The following DAAM1 variants were observed in gnomAD, a reference collection of about 807,000 sequenced individuals.
DAAM1 encodes the protein disheveled-associated activator of morphogenesis 1.
Under a neutral mutation model 130.0 loss-of-function variants are expected in DAAM1, and 52 were observed. The observed-to-expected ratio is 0.40, with a 90% CI of 0.32 to 0.50. The LOEUF (loss-of-function observed/expected upper bound fraction) is 0.50, where lower values mean the gene tolerates loss of function less well. Among genes scored for constraint, DAAM1 ranks in the 20% least tolerant of loss-of-function variants. DAAM1 has a pLI of 0.61. For synonymous variants in DAAM1, 452 were observed against 444.5 expected, an observed-to-expected ratio of 1.02 and a Z score of -0.21; for missense variants, 1,134 against 1,303.8, an observed-to-expected ratio of 0.87 and a Z score of 2.01.
intron 1 of DAAM1, among the ~76,000 whole-genome samples, chr14:59,214,121 T>C (rs1010889038): frequency 1.3e-5 from 2 of 152,250 alleles, no homozygotes; most frequent in Admixed American, 6.5e-5. Flanking sequence ...GGATCTTTGC[T>C]TCAGTTTACT....
At chr14:59,247,281 G>A (rs1881432222) in intron 1 of DAAM1, among the ~76,000 whole-genome samples, 1 of 152,074 alleles carries the variant, frequency 6.6e-6, no homozygotes, top group East Asian at 1.9e-4. Context: ...ATGCTGTTTT[G>A]ATTACTGTAC....
intron 2 of DAAM1, among the ~76,000 whole-genome samples, chr14:59,290,318 C>G (rs1301832692): frequency 6.6e-6 from 1 of 152,150 alleles, no homozygotes; most frequent in Non-Finnish European, 1.5e-5. Flanking sequence ...AAACACTGAT[C>G]TGAAAGGCTA....
intron 2 of DAAM1, among the ~76,000 whole-genome samples, chr14:59,278,892 CCAAT>C (rs1883089117): frequency 6.6e-6 from 1 of 152,150 alleles, no homozygotes; most frequent in South Asian, 2.1e-4. Flanking sequence ...ACACTTCTTT[CCAAT>C]CAGTTTCTCT....
intron 1 of DAAM1, among the ~76,000 whole-genome samples, chr14:59,262,601 T>G (rs1882219195): frequency 6.6e-6 from 1 of 152,172 alleles, no homozygotes; most frequent in African/African-American, 2.4e-5. Context: ...TTTTCCCATA[T>G]CTACATATAC....
rs386381493 is a variant in DAAM1, at chr14:59,327,402, C to CTTTTTTTTTTTTTTTTT, written c.1372+419_1372+435dup. On this transcript the variant is annotated intron_variant, in intron 12 of 24. Transcript: ENST00000360909. ...AAGAGAAGAACAGGTCACTTGGTTT[C>CTTTTTTTTTTTTTTTTT]TTTTTTTTTTTTTTTTTTTTTTTTG... Among the ~76,000 whole-genome samples the CTTTTTTTTTTTTTTTTT allele has an allele frequency of 2.6e-3, 152 of 58,984 alleles. 31 individuals are homozygous for CTTTTTTTTTTTTTTTTT. The highest frequency in any genetic ancestry group is 7.3e-3 in the African/African-American group (94 of 12,914). The allele number at this position is 58,984 out of a possible 152,430, so 38.7% of individuals were successfully genotyped here.
chr14:59,216,111 G>A (rs1023922014), intron 1 of DAAM1, among the ~76,000 whole-genome samples: 3 of 152,134 alleles, frequency 2.0e-5, no homozygotes, highest in Non-Finnish European at 2.9e-5. Flanking sequence ...CCCTGTTTGA[G>A]CTGATTTTCT....
chr14:59,267,489 T>TA lies in DAAM1; in HGVS notation c.183+3840dup, dbSNP rs985634410. ...CTTTCTAGTCTCATCCTGCTTAACT[T>TA]AAAAAAAAAAACAAAAAACAAAAAC... is the stretch of plus-strand genomic sequence containing the variant. On this transcript the variant is annotated intron_variant, in intron 2 of 24. Transcript: ENST00000360909. Among the ~76,000 whole-genome samples, 263 of 144,594 alleles carry TA rather than the reference T, an allele frequency of 1.8e-3. 2 individuals are homozygous for TA. The highest frequency in any genetic ancestry group is 2.1e-3 in the African/African-American group (82 of 39,506). The allele number at this position is 144,594 out of a possible 152,430, so 94.9% of individuals were successfully genotyped here.
At chr14:59,239,084 G>C (rs1889398362) in intron 1 of DAAM1, among the ~76,000 whole-genome samples, 1 of 152,172 alleles carries the variant, frequency 6.6e-6, no homozygotes, top group South Asian at 2.1e-4. Context: ...AGCAATATCT[G>C]ATTGCCTGTG....
At chr14:59,197,985 C>T (rs1003651049) in intron 1 of DAAM1, among the ~76,000 whole-genome samples, 5 of 152,076 alleles carry the variant, frequency 3.3e-5, no homozygotes, top group East Asian at 3.9e-4. Context: ...GTTTTTCTGA[C>T]GAACAAGTTG....
chr14:59,318,384 C>T (rs1884873419), intron 4 of DAAM1, among the ~76,000 whole-genome samples: 1 of 151,444 alleles, frequency 6.6e-6, no homozygotes, highest in Admixed American at 6.6e-5. Context: ...GACAGAAAGA[C>T]CCTCTGCAAG....
At chr14:59,330,395 A>G in intron 12 of DAAM1, 106 bp from the exon 13 acceptor site, 1 of 1,018,616 alleles carries the variant, frequency 9.8e-7, no homozygotes, top group African/African-American at 1.6e-5. Context: ...TACCTAATAA[A>G]GATCCTCATA....
intron 1 of DAAM1, among the ~76,000 whole-genome samples, chr14:59,225,046 T>TTTTTTTTTTA (rs1888898229): frequency 7.5e-6 from 1 of 133,650 alleles, no homozygotes; most frequent in Non-Finnish European, 1.6e-5. Context: ...TTTTTTTTTT[T>TTTTTTTTTTA]GAGACGGAGT....
At chr14:59,307,740 G>T (rs761380991) in intron 3 of DAAM1, among the ~76,000 whole-genome samples, 1 of 152,122 alleles carries the variant, frequency 6.6e-6, no homozygotes, top group East Asian at 1.9e-4. Context: ...ATATGTGAAC[G>T]GATGGTTATA....
chr14:59,288,951 C>T (rs946333888), intron 2 of DAAM1, among the ~76,000 whole-genome samples: 1 of 151,964 alleles, frequency 6.6e-6, no homozygotes, highest in African/African-American at 2.4e-5. Flanking sequence ...AAGCCTTGGT[C>T]TGTCACCCAG....
At chr14:59,256,968 T>C (rs1265437195) in intron 1 of DAAM1, among the ~76,000 whole-genome samples, 1 of 152,126 alleles carries the variant, frequency 6.6e-6, no homozygotes, top group East Asian at 1.9e-4. Context: ...TATCAGCGAG[T>C]CTCTTTTCAA....
intron 1 of DAAM1, among the ~76,000 whole-genome samples, chr14:59,217,923 G>A (rs1888639975): frequency 6.6e-6 from 1 of 151,506 alleles, no homozygotes; most frequent in African/African-American, 2.4e-5. Flanking sequence ...GGAGGCGGAG[G>A]TTGCACGCCA....
intron 1 of DAAM1, among the ~76,000 whole-genome samples, chr14:59,207,636 G>A (rs181930199): frequency 3.9e-5 from 6 of 152,296 alleles, no homozygotes; most frequent in South Asian, 2.1e-4. Flanking sequence ...GAGTGAAAAT[G>A]ACAACATCCT....
intron 1 of DAAM1, among the ~76,000 whole-genome samples, chr14:59,261,027 T>C (rs1016293223): frequency 2.0e-5 from 3 of 152,150 alleles, no homozygotes; most frequent in African/African-American, 7.2e-5. Context: ...TAGAATGGTA[T>C]TGGGGAGCCA....
At chr14:59,336,975 A>C (rs2139644985) in intron 15 of DAAM1, among the ~76,000 whole-genome samples, 2 of 152,288 alleles carry the variant, frequency 1.3e-5, no homozygotes, top group African/African-American at 4.8e-5. Context: ...ACACCCGGTA[A>C]ATAACAGTTG....
Sources: allele counts gnomAD v4.1 joint callset (sites outside exome capture counted in the v4.1 genomes callset), GRCh38; gene constraint gnomAD v4.1.1; transcripts MANE v1.5; gene names NCBI Gene and HGNC (gene_info 2026-07-23, HGNC 2026-07-21).